Variants in MAOB observed in about 807,000 individuals in gnomAD.
The protein encoded by MAOB is amine oxidase [flavin-containing] B.
MAOB carries 15 observed loss-of-function variants against 41.9 expected under a neutral mutation model. That is an observed-to-expected ratio of 0.36 (90% CI 0.24 to 0.55). The LOEUF (loss-of-function observed/expected upper bound fraction) is 0.55. Ranked by LOEUF, MAOB falls within the 20% of genes least tolerant of loss-of-function variation. The pLI is 0.86. For synonymous variants in MAOB, 167 were observed against 144.2 expected (o/e 1.16, Z -1.13); for missense variants, 345 against 398.7 (o/e 0.87, Z 1.15).
At chrX:43,839,818 C>T (rs968562171) in intron 2 of MAOB, among the ~76,000 whole-genome samples, 1 of 112,149 alleles carries the variant, frequency 8.9e-6, no homozygotes, top group Non-Finnish European at 1.9e-5. Flanking sequence ...CCTAATTGTA[C>T]TAAACCAGCT....
intron 10 of MAOB, among the ~76,000 whole-genome samples, chrX:43,779,802 G>A (rs2034306458): frequency 8.9e-6 from 1 of 111,927 alleles, no homozygotes; most frequent in African/African-American, 3.2e-5. Context: ...CTCTTTCCTG[G>A]TAAATAGGTT....
chrX:43,808,917 C>G (rs1350293623), intron 3 of MAOB, among the ~76,000 whole-genome samples: 1 of 110,704 alleles, frequency 9.0e-6, no homozygotes, highest in Non-Finnish European at 1.9e-5. Flanking sequence ...GTTGGCCAAG[C>G]TGGTCTTGAA....
chrX:43,808,623 G>A (rs983303098), intron 3 of MAOB, among the ~76,000 whole-genome samples: 3 of 102,361 alleles, frequency 2.9e-5, no homozygotes, highest in Non-Finnish European at 6.0e-5. Context: ...CCCAACAAAA[G>A]CATCCTGCAC....
chrX:43,801,451 C>T (rs3027457), intron 5 of MAOB, among the ~76,000 whole-genome samples: 3,154 of 111,069 alleles, frequency 0.028, 140 homozygotes, highest in African/African-American at 0.097. Flanking sequence ...AGGGCAGTCT[C>T]CTTGAATTTG....
At chrX:43,826,463 A>G (rs775017703) in intron 3 of MAOB, among the ~76,000 whole-genome samples, 19 of 112,758 alleles carry the variant, frequency 1.7e-4, no homozygotes, top group African/African-American at 5.8e-4. Flanking sequence ...TCCTGAGCCA[A>G]GTGCTGGAGA....
At chrX:43,803,765 G>A (rs1018085646) in intron 3 of MAOB, among the ~76,000 whole-genome samples, 1 of 111,657 alleles carries the variant, frequency 9.0e-6, no homozygotes, top group Non-Finnish European at 1.9e-5. Flanking sequence ...GCCTCTGTGT[G>A]CCTGGAGAGT....
intron 8 of MAOB, among the ~76,000 whole-genome samples, chrX:43,791,295 CT>C (rs1015904798): frequency 9.0e-6 from 1 of 111,324 alleles, no homozygotes; most frequent in African/African-American, 3.3e-5. Flanking sequence ...CTCCAACCTT[CT>C]TTCTGCAGTC....
At chrX:43,813,516 G>A (rs949538934) in intron 3 of MAOB, among the ~76,000 whole-genome samples, 1 of 112,282 alleles carries the variant, frequency 8.9e-6, no homozygotes. Context: ...TCTGCTCTAT[G>A]AGCCACTTCT....
chrX:43,825,777 A>G (rs749504408), intron 3 of MAOB, among the ~76,000 whole-genome samples: 3 of 112,290 alleles, frequency 2.7e-5, no homozygotes, highest in Non-Finnish European at 5.6e-5. Flanking sequence ...GGTTAACTAA[A>G]CTTGAGCTCT....
chrX:43,839,067 C>A, intron 2 of MAOB, 62 bp from the exon 3 acceptor site: 1 of 901,202 alleles, frequency 1.1e-6, no homozygotes, highest in Non-Finnish European at 1.5e-6. Context: ...TAACAAAAGA[C>A]AGTCCTGAAA....
chrX:43,770,317 G>A (rs1005078816), intron 12 of MAOB, among the ~76,000 whole-genome samples: 1 of 111,209 alleles, frequency 9.0e-6, no homozygotes, highest in Non-Finnish European at 1.9e-5. Flanking sequence ...GCCTTCACTG[G>A]AACTGCACTG....
intron 3 of MAOB, among the ~76,000 whole-genome samples, chrX:43,806,229 C>CT (rs2034660471): frequency 9.0e-6 from 1 of 111,526 alleles, no homozygotes; most frequent in African/African-American, 3.3e-5. Flanking sequence ...ACTAACCATC[C>CT]TTTTTCTGTT....
At chrX:43,777,838 C>T (rs2034278747) in intron 11 of MAOB, among the ~76,000 whole-genome samples, 1 of 112,078 alleles carries the variant, frequency 8.9e-6, no homozygotes, top group Non-Finnish European at 1.9e-5. Context: ...TTAATAATCA[C>T]TTTCAAAAGG....
At chrX:43,865,093 T>C (rs1203972329) in intron 1 of MAOB, among the ~76,000 whole-genome samples, 1 of 112,228 alleles carries the variant, frequency 8.9e-6, no homozygotes, top group Non-Finnish European at 1.9e-5. Flanking sequence ...CAAAAACTTG[T>C]ACAAGAATGT....
Position 43,860,854 on chromosome X carries a change from T to G in MAOB, c.47-17090A>C, listed in dbSNP as rs1007246605. 4.5e-5 allele frequency among the ~76,000 whole-genome samples: 5 copies of G among 111,311 alleles called. No homozygotes were observed. In the East Asian group the frequency reaches 1.1e-3, roughly 25 times the overall value. On this transcript the variant is annotated intron_variant, in intron 1 of 14. Transcript: ENST00000378069. ...TTCTGTTCCTTGAAAATGCAAGGGT[T>G]GTTCCCACCATAGGGGATTTACAGT...
At chrX:43,868,679 C>T (rs1164435853) in intron 1 of MAOB, among the ~76,000 whole-genome samples, 1 of 111,427 alleles carries the variant, frequency 9.0e-6, no homozygotes, top group Non-Finnish European at 1.9e-5. Flanking sequence ...ACTAAAAAAG[C>T]TAGCAGAGGA....
rs375023468 is a variant in MAOB, at chrX:43,820,258, C to T, written c.280-16854G>A. 2.7e-3 allele frequency among the ~76,000 whole-genome samples: 305 copies of T among 112,314 alleles called. 2 individuals are homozygous for T. Among genetic ancestry groups the T allele is most frequent in the African/African-American group, 9.4e-3 (290 of 30,960 alleles). On this transcript the variant is annotated intron_variant, in intron 3 of 14. Transcript: ENST00000378069. ...TTACTACAAGAATTTCATAAACTCC[C>T]ACCAATAATTTACATAGAAGGTGGT...
At chrX:43,853,837 A>G (rs923470104) in intron 1 of MAOB, among the ~76,000 whole-genome samples, 5 of 111,903 alleles carry the variant, frequency 4.5e-5, no homozygotes, top group Non-Finnish European at 1.9e-5. Flanking sequence ...CCCTAGAAGG[A>G]ACCAACTCTG....
At chrX:43,880,487 C>T (rs1478269355) in intron 1 of MAOB, among the ~76,000 whole-genome samples, 2 of 112,742 alleles carry the variant, frequency 1.8e-5, no homozygotes, top group Admixed American at 1.9e-4. Flanking sequence ...CCAGCAGTGA[C>T]TAACTGGTGT....
Sources: gnomAD v4.1 joint callset for allele counts (sites outside exome capture counted in the v4.1 genomes callset) on GRCh38, gnomAD v4.1.1 for gene constraint, MANE v1.5 for transcripts, NCBI Gene and HGNC (gene_info 2026-07-23, HGNC 2026-07-21) for gene names.